The following WDFY4 variants were observed in gnomAD, a reference collection of about 807,000 sequenced individuals.
WDFY4 encodes the protein WD repeat- and FYVE domain-containing protein 4.
A neutral mutation model predicts 351.9 loss-of-function variants in WDFY4; 169 were observed. That is an observed-to-expected ratio of 0.48 (90% confidence interval 0.42 to 0.55). The LOEUF (loss-of-function observed/expected upper bound fraction) is 0.55, where lower values mean the gene tolerates loss of function less well. WDFY4 is among the 20% of genes least tolerant of loss of function. The probability of loss-of-function intolerance (pLI) is 0.00; values close to 1 mark genes in which losing one functional copy is unlikely to be tolerated. For missense variants in WDFY4, 3,803 were observed against 3,935.6 expected, an observed-to-expected ratio of 0.97 and a Z score of 0.90; for synonymous variants, 1,622 against 1,574.6, an observed-to-expected ratio of 1.03 and a Z score of -0.71.
chr10:48,716,010 G>A (rs961298391), intron 2 of WDFY4, among the ~76,000 whole-genome samples: 1 of 151,920 alleles, frequency 6.6e-6, no homozygotes, highest in Non-Finnish European at 1.5e-5. Flanking sequence ...CCTCCTCTTT[G>A]TCCACTCCTG....
intron 39 of WDFY4, among the ~76,000 whole-genome samples, chr10:48,850,132 G>C (rs2133169080): frequency 6.6e-6 from 1 of 152,274 alleles, no homozygotes; most frequent in African/African-American, 2.4e-5. Context: ...TTATCATGGA[G>C]TTAAGGTGGT....
At chr10:48,914,577 C>T (rs1427472607) in intron 47 of WDFY4, among the ~76,000 whole-genome samples, 1 of 152,166 alleles carries the variant, frequency 6.6e-6, no homozygotes, top group East Asian at 1.9e-4. Context: ...GGATATCTGC[C>T]CCTTCCTAGA....
intron 41 of WDFY4, among the ~76,000 whole-genome samples, chr10:48,874,141 G>A (rs138185218): frequency 4.6e-5 from 7 of 152,294 alleles, no homozygotes; most frequent in African/African-American, 1.2e-4. Flanking sequence ...CAAATTTTAC[G>A]ATGAAAATCT....
At chr10:48,770,123 A>C (rs972294322) in intron 13 of WDFY4, among the ~76,000 whole-genome samples, 8 of 152,250 alleles carry the variant, frequency 5.3e-5, no homozygotes, top group Admixed American at 4.6e-4. Context: ...TTTTATTCAA[A>C]ACAAGGCAAT....
intron 4 of WDFY4, among the ~76,000 whole-genome samples, chr10:48,721,574 C>T (rs2064089408): frequency 6.6e-6 from 1 of 152,228 alleles, no homozygotes; most frequent in Non-Finnish European, 1.5e-5. Context: ...CTGTGTGTAA[C>T]TGTGGCCAGA....
chr10:48,856,854 T>C (rs1392191100), intron 39 of WDFY4, among the ~76,000 whole-genome samples: 2 of 152,198 alleles, frequency 1.3e-5, no homozygotes, highest in Non-Finnish European at 2.9e-5. Flanking sequence ...ATGCTGAAGT[T>C]AACACCACTC....
intron 43 of WDFY4, chr10:48,883,814 C>G (rs2070351989): frequency 6.6e-6 from 1 of 152,238 alleles, no homozygotes; most frequent in Non-Finnish European, 1.5e-5. Context: ...CAGCTTAACT[C>G]ATTTCTTTGT....
At chr10:48,728,591 G>A (rs543075510) in intron 7 of WDFY4, among the ~76,000 whole-genome samples, 3 of 152,218 alleles carry the variant, frequency 2.0e-5, no homozygotes, top group Non-Finnish European at 4.4e-5. Flanking sequence ...GGACAAGGGG[G>A]CCAAAGTCCT....
intron 44 of WDFY4, among the ~76,000 whole-genome samples, chr10:48,891,501 T>C (rs2070695087): frequency 6.6e-6 from 1 of 152,266 alleles, no homozygotes; most frequent in African/African-American, 2.4e-5. Context: ...TCATTGTCTT[T>C]GAAGATATTT....
intron 35 of WDFY4, among the ~76,000 whole-genome samples, chr10:48,824,570 A>G (rs1247437977): frequency 5.9e-5 from 9 of 152,336 alleles, no homozygotes; most frequent in Non-Finnish European, 8.8e-5. Context: ...CATAGCCTTG[A>G]TTGATCATTT....
intron 21 of WDFY4, among the ~76,000 whole-genome samples, chr10:48,789,387 C>T (rs1362728670): frequency 6.6e-6 from 1 of 152,228 alleles, no homozygotes; most frequent in African/African-American, 2.4e-5. Flanking sequence ...GAGTCAGGAA[C>T]TAGGTCCTGT....
chr10:48,731,472 C>A lies in WDFY4; in HGVS notation c.1492C>A (p.Pro498Thr), dbSNP rs771466567. The A allele has an allele frequency of 6.4e-6, 10 of 1,551,546 alleles. No individual in the cohort carries two copies. In the East Asian group the frequency reaches 2.2e-4, roughly 34 times the overall value. ...CATCCTCAGCATCGCTGGTGGGGAC[C>A]CCCTCTTCACCGACATCTTCCGGGA... is the stretch of plus-strand genomic sequence containing the variant. ...QSILSIAGGD[P>T]LFTDIFRDSG... Residue 498 changes from proline (P) to threonine (T), a missense_variant, in exon 9 of 62, where the codon CCC (proline) becomes ACC (threonine). Physicochemically the swap from Pro to Thr is conservative, Grantham distance 38. Transcript: ENST00000325239.
intron 28 of WDFY4, among the ~76,000 whole-genome samples, chr10:48,809,999 A>C (rs538327083): frequency 6.6e-6 from 1 of 152,226 alleles, no homozygotes; most frequent in South Asian, 2.1e-4. Context: ...CCCATCAGCA[A>C]GTCTGTATTC....
intron 1 of WDFY4, among the ~76,000 whole-genome samples, chr10:48,708,616 C>T (rs2063693380): frequency 6.6e-6 from 1 of 152,168 alleles, no homozygotes; most frequent in African/African-American, 2.4e-5. Context: ...TCATAATTGA[C>T]TGACAACTTT....
chr10:48,938,716 G>A (rs1353752095), intron 47 of WDFY4, among the ~76,000 whole-genome samples: 5 of 151,866 alleles, frequency 3.3e-5, no homozygotes, highest in South Asian at 2.1e-4. Context: ...AAGCTCGTCT[G>A]GGGGGGTAAA....
chr10:48,716,676 TACTG>T (rs1319494711), intron 2 of WDFY4, among the ~76,000 whole-genome samples: 2 of 152,208 alleles, frequency 1.3e-5, no homozygotes, highest in African/African-American at 4.8e-5. Flanking sequence ...AGAGTACAAT[TACTG>T]TTCAGCTCAC....
chr10:48,738,467 A>G (rs1269790585), intron 11 of WDFY4, among the ~76,000 whole-genome samples: 2 of 152,246 alleles, frequency 1.3e-5, no homozygotes, highest in African/African-American at 2.4e-5. Flanking sequence ...TCAATGTGCT[A>G]TCTTCTCCCT....
In WDFY4 at chr10:48,795,522, TACATATATATATAC is replaced by T. The variant is rs759113963; in HGVS notation, c.4258-772_4258-759del. On this transcript the variant is annotated intron_variant, in intron 23 of 61. Transcript: ENST00000325239. The stretch of plus-strand genomic sequence containing the variant: ...ATATATATATATATATATATATATA[TACATATATATATAC>T]ACACACATGAATAGTCTGGAAAGAT... 3.7e-4 allele frequency among the ~76,000 whole-genome samples: 39 copies of T among 106,180 alleles called. 1 individual carries two copies. In the East Asian group the frequency reaches 4.1e-3, roughly 11 times the overall value. The allele number at this position is 106,180 out of a possible 152,430, so 69.7% of individuals were successfully genotyped here.
At chr10:48,941,216 A>G (rs1269795057) in intron 47 of WDFY4, among the ~76,000 whole-genome samples, 1 of 152,198 alleles carries the variant, frequency 6.6e-6, no homozygotes, top group African/African-American at 2.4e-5. Context: ...GCTGCAGCAC[A>G]AGGGAGGCTG....
Sources: gnomAD v4.1 joint callset for allele counts (sites outside exome capture counted in the v4.1 genomes callset) on GRCh38, gnomAD v4.1.1 for gene constraint, MANE v1.5 for transcripts, NCBI Gene and HGNC (gene_info 2026-07-23, HGNC 2026-07-21) for gene names.